SDK2: variants seen among roughly 807,000 people sequenced by gnomAD.
The protein encoded by SDK2 is protein sidekick-2.
SDK2 carries 105 observed loss-of-function variants against 253.9 expected under a neutral mutation model. The ratio of observed to expected loss-of-function variants is 0.41; its 90% CI spans 0.35 to 0.49. The LOEUF (loss-of-function observed/expected upper bound fraction) is 0.49, where lower values mean the gene tolerates loss of function less well. SDK2 is among the 20% of genes least tolerant of loss of function. The pLI is 0.06. For missense variants in SDK2, 2,608 were observed against 3,003.0 expected (o/e 0.87, Z 3.07); for synonymous variants, 1,249 against 1,234.9 (o/e 1.01, Z -0.24).
intron 44 of SDK2, among the ~76,000 whole-genome samples, chr17:73,347,634 C>T (rs545279958): frequency 1.4e-3 from 219 of 152,316 alleles, no homozygotes; most frequent in Non-Finnish European, 1.6e-3. Flanking sequence ...TCCTTCACTT[C>T]CTCTCCCAGG....
chr17:73,395,144 G>T lies in SDK2; in HGVS notation c.3592+11C>A. 1 of 1,571,490 alleles carries T rather than the reference G, an allele frequency of 6.4e-7. No individual in the cohort carries two copies. Among genetic ancestry groups the T allele is most frequent in the Non-Finnish European group, 8.6e-7 (1 of 1,160,144 alleles). ...CAGGCAGCAGGGTGGCTGGGTGTGAGGGGTTGGTACCTGACTCCCGGGTCC... is the reference window on the plus strand; with the variant it reads ...CAGGCAGCAGGGTGGCTGGGTGTGATGGGTTGGTACCTGACTCCCGGGTCC... On this transcript the variant is annotated intron_variant, in intron 25 of 44. Transcript: ENST00000392650. This position sits in a 1 kb window ranked among gnomAD's most constrained non-coding sequence, Gnocchi z 4.3.
At chr17:73,483,791 C>G (rs1053620278) in intron 2 of SDK2, among the ~76,000 whole-genome samples, 7 of 146,872 alleles carry the variant, frequency 4.8e-5, no homozygotes, top group African/African-American at 1.8e-4. Context: ...GATCCACCTG[C>G]CTCGGTCTCC....
In SDK2 at chr17:73,414,750, A is replaced by G. The variant is rs1360345111; in HGVS notation, c.2378T>C (p.Val793Ala). ...TTCCGCGTGCACATTGCCCGGAGGG[A>G]CCGTGGGAACTAGAGGAGATGAGAG... ...TEWTLQGVPT[V>A]PPGNVHAEAT... Residue 793 changes from valine (V) to alanine (A), a missense_variant, in exon 18 of 45, where the codon GTC becomes GCC. Around this residue, in one of 2 missense-constraint regions of SDK2, gnomAD observed 1,505 missense variants for 1,859.1 expected, o/e 0.81. Coordinates refer to ENST00000392650, the MANE Select transcript of SDK2 (RefSeq NM_001144952.2). The G allele has an allele frequency of 6.2e-7, 1 of 1,612,764 alleles. No homozygotes were observed. Among genetic ancestry groups the G allele is most frequent in the Non-Finnish European group, 8.5e-7 (1 of 1,179,100 alleles).
chr17:73,547,680 G>T (rs184833862), intron 1 of SDK2, among the ~76,000 whole-genome samples: 1 of 152,194 alleles, frequency 6.6e-6, no homozygotes, highest in Non-Finnish European at 1.5e-5. Context: ...TCAGAAGGGA[G>T]GGAGGGCAAA....
At position 73,455,918 on chromosome 17, in the gene SDK2, G is replaced by A. The variant is rs2063522622; in HGVS notation, c.467C>T (p.Pro156Leu). 2 of 1,543,966 alleles carry A rather than the reference G, an allele frequency of 1.3e-6. No individual in the cohort carries two copies. Among genetic ancestry groups the A allele is most frequent in the African/African-American group, 1.4e-5 (1 of 72,974 alleles). The change falls in exon 4 of 45, where the codon CCC becomes CTC. Residue 156 changes from proline to leucine, a missense_variant. Coordinates refer to ENST00000392650, the MANE Select transcript of SDK2 (RefSeq NM_001144952.2). The surrounding 1 kb of genome is among the most constrained non-coding windows in gnomAD (Gnocchi z 5.0). ...GCGATGCACTCACATGCGGCTGCTG[G>A]GCGGGATCTTGCGGCCGTCCCGGAA... is the stretch of plus-strand genomic sequence containing the variant. ...TWFRDGRKIP[P>L]SSRIAITLEN...
chr17:73,394,457 A>T (rs745365538), intron 25 of SDK2, 133 bp from the exon 26 acceptor site: 10 of 493,296 alleles, frequency 2.0e-5, no homozygotes, highest in Non-Finnish European at 1.7e-5. Flanking sequence ...CGTGGCACAC[A>T]TGGTCCCCAA....
chr17:73,360,939 A>T (rs1265957951), intron 39 of SDK2, among the ~76,000 whole-genome samples: 1 of 136,678 alleles, frequency 7.3e-6, no homozygotes, highest in African/African-American at 2.7e-5. Context: ...CTGTCTCCAG[A>T]AAAAAAAAAA....
intron 44 of SDK2, among the ~76,000 whole-genome samples, chr17:73,341,931 C>T (rs1394567977): frequency 6.6e-6 from 1 of 152,100 alleles, no homozygotes. Flanking sequence ...CTGACGGGCA[C>T]ATAAAGTACA....
Position 73,339,220 on chromosome 17 carries a change from T to TTG in SDK2, c.6166-281_6166-280insCA, listed in dbSNP as rs759040272. On this transcript the variant is annotated intron_variant, in intron 44 of 44. Transcript: ENST00000392650. ...TAGAATCAGAAGACCTGAGTTTTTT[T>TTG]TTGTTTTTGTTTTTGTTTTTTTTTT... 4.9e-3 allele frequency among the ~76,000 whole-genome samples: 709 copies of TTG among 144,344 alleles called. 25 individuals are homozygous for TTG. The highest frequency in any genetic ancestry group is 7.6e-3 in the Non-Finnish European group (492 of 64,954). The allele number at this position is 144,344 out of a possible 152,430, so 94.7% of individuals were successfully genotyped here. A position where few individuals can be genotyped will look rare whatever the true frequency, so the allele number is the denominator to read the frequency against.
chr17:73,380,994 C>T (rs1251974304), intron 33 of SDK2, 44 bp from the exon 34 acceptor site: 6 of 1,258,730 alleles, frequency 4.8e-6, no homozygotes, highest in Non-Finnish European at 2.3e-6. Context: ...AGGGAGACAG[C>T]AGACAGAGGA....
At chr17:73,436,906 ATTTG>A (rs2063374294) in intron 8 of SDK2, among the ~76,000 whole-genome samples, 1 of 152,022 alleles carries the variant, frequency 6.6e-6, no homozygotes, top group Non-Finnish European at 1.5e-5. Flanking sequence ...AGTTCTCTTT[ATTTG>A]TTTATCAGCT....
chr17:73,448,418 A>ACAGTG (rs547696123), intron 4 of SDK2, among the ~76,000 whole-genome samples: 17 of 151,730 alleles, frequency 1.1e-4, no homozygotes, highest in Non-Finnish European at 1.6e-4. Flanking sequence ...AGGCTGGAGT[A>ACAGTG]CAGTGGCATG....
intron 2 of SDK2, among the ~76,000 whole-genome samples, chr17:73,478,879 C>T (rs955042997): frequency 6.6e-6 from 1 of 152,248 alleles, no homozygotes; most frequent in Non-Finnish European, 1.5e-5. Flanking sequence ...TGGAGATGCA[C>T]GCGGTGATGC....
chr17:73,597,048 T>G (rs541861973), intron 1 of SDK2, among the ~76,000 whole-genome samples: 38 of 152,222 alleles, frequency 2.5e-4, no homozygotes, highest in South Asian at 4.1e-4. Context: ...ACCGGGCCAG[T>G]GCACCTGGAC....
chr17:73,601,953 A>G (rs916318511), intron 1 of SDK2, among the ~76,000 whole-genome samples: 2 of 152,198 alleles, frequency 1.3e-5, no homozygotes, highest in Non-Finnish European at 2.9e-5. Context: ...CATGTTGGCC[A>G]GGCTGGTCTC....
chr17:73,472,023 G>C, intron 3 of SDK2, 89 bp downstream of exon 3: 1 of 950,320 alleles, frequency 1.1e-6, no homozygotes, highest in Non-Finnish European at 1.6e-6. Context: ...TGGCCATGAC[G>C]GGATCTGGCT....
At chr17:73,503,587 G>T (rs528995225) in intron 2 of SDK2, among the ~76,000 whole-genome samples, 2 of 152,186 alleles carry the variant, frequency 1.3e-5, no homozygotes, top group African/African-American at 4.8e-5. Flanking sequence ...AAAATTAAAA[G>T]AGAGAAGAAA....
chr17:73,456,048 C>T lies in SDK2; in HGVS notation c.337G>A (p.Gly113Arg), dbSNP rs1453068917. The change falls in exon 4 of 45, where the codon GGG becomes AGG. Residue 113 changes from glycine to arginine, a missense_variant. Coordinates refer to ENST00000392650, the MANE Select transcript of SDK2 (RefSeq NM_001144952.2). Reference protein sequence around the residue: ...RQTEVQVAYMGSFEEGEKHQS... With the variant: ...RQTEVQVAYMRSFEEGEKHQS... ...TGCTTCTCACCTTCCTCAAAGCTCC[C>T]CATGTCTGCAGCCGGGACAACGGCA... The T allele has an allele frequency of 6.7e-7, 1 of 1,498,636 alleles. No homozygotes were observed. The highest frequency in any genetic ancestry group is 2.1e-5 in the Admixed American group (1 of 47,570). The allele number at this position is 1,498,636 out of a possible 1,614,324, so 92.8% of individuals were successfully genotyped here.
chr17:73,368,126 T>A (rs1184921216), intron 37 of SDK2, among the ~76,000 whole-genome samples: 1 of 151,218 alleles, frequency 6.6e-6, no homozygotes, highest in African/African-American at 2.4e-5. Flanking sequence ...TGGGAGGGGC[T>A]GGGGGTGCTG....
Sources: gnomAD v4.1 joint callset for allele counts (sites outside exome capture counted in the v4.1 genomes callset) on GRCh38, gnomAD v4.1.1 for gene constraint, gnomAD v4.1.1 regional missense constraint, Gnocchi (gnomAD v3.1) non-coding constraint, MANE v1.5 for transcripts, NCBI Gene and HGNC (gene_info 2026-07-23, HGNC 2026-07-21) for gene names.